The following ZDHHC14 variants were observed in gnomAD, a reference collection of about 807,000 sequenced individuals.
ZDHHC14 encodes zDHHC palmitoyltransferase 14.
Under a neutral mutation model 47.7 loss-of-function variants are expected in ZDHHC14, and 16 were observed. That is an observed-to-expected ratio of 0.34 (90% confidence interval 0.23 to 0.51). The LOEUF (loss-of-function observed/expected upper bound fraction) is 0.51, where lower values mean the gene tolerates loss of function less well. Among genes scored for constraint, ZDHHC14 ranks in the 20% least tolerant of loss-of-function variants. The pLI is 0.97. For missense variants in ZDHHC14, 515 were observed against 662.5 expected, an observed-to-expected ratio of 0.78 and a Z score of 2.44; for synonymous variants, 293 against 278.9, an observed-to-expected ratio of 1.05 and a Z score of -0.50.
chr6:157,404,388 G>C (rs905520345), intron 1 of ZDHHC14, among the ~76,000 whole-genome samples: 3 of 152,130 alleles, frequency 2.0e-5, no homozygotes. Context: ...CCTCATCTCA[G>C]CCTCCCAAAG....
intron 7 of ZDHHC14, among the ~76,000 whole-genome samples, chr6:157,652,891 A>G (rs1218691131): frequency 1.3e-5 from 2 of 152,100 alleles, no homozygotes; most frequent in African/African-American, 4.8e-5. Flanking sequence ...AAAGCGATGT[A>G]TGGGGCTGAG....
chr6:157,409,897 C>T (rs1012222850), intron 1 of ZDHHC14, among the ~76,000 whole-genome samples: 1 of 151,934 alleles, frequency 6.6e-6, no homozygotes, highest in African/African-American at 2.4e-5. Context: ...GGCGCGATCT[C>T]GGCTCACTGC....
Position 157,674,511 on chromosome 6 carries a change from GAC to G in ZDHHC14, c.*1393_*1394del, listed in dbSNP as rs1778937716. The G allele has an allele frequency of 6.6e-6, 1 of 152,162 alleles. No individual in the cohort carries two copies. The highest frequency in any genetic ancestry group is 1.5e-5 in the Non-Finnish European group (1 of 68,050). The allele number at this position is 152,162 out of a possible 1,614,324, so 9.4% of individuals were successfully genotyped here. ...TGTCACTATGGGGGCAGCCACAGGG[GAC>G]ACAGCAACTCCTCTCCTGGCTTCTT... On this transcript the variant is annotated 3_prime_UTR_variant, in exon 9 of 9. Coordinates refer to ENST00000359775, the MANE Select transcript of ZDHHC14 (RefSeq NM_024630.3).
At chr6:157,412,021 C>T (rs1425413636) in intron 1 of ZDHHC14, among the ~76,000 whole-genome samples, 1 of 151,132 alleles carries the variant, frequency 6.6e-6, no homozygotes, top group East Asian at 1.9e-4. Flanking sequence ...TCATGGCAAC[C>T]TCCACCTCCT....
intron 6 of ZDHHC14, 101 bp from the exon 7 acceptor site, chr6:157,647,158 A>C: frequency 2.6e-6 from 2 of 781,924 alleles, no homozygotes; most frequent in Non-Finnish European, 4.1e-6. Flanking sequence ...TTTGGATTAA[A>C]GATGATTTGC....
intron 1 of ZDHHC14, among the ~76,000 whole-genome samples, chr6:157,518,414 G>A (rs928510564): frequency 6.9e-6 from 1 of 143,986 alleles, no homozygotes; most frequent in African/African-American, 2.5e-5. Context: ...TGGAAGGGGG[G>A]CTCTTTACAA....
intron 2 of ZDHHC14, among the ~76,000 whole-genome samples, chr6:157,562,551 C>T (rs1333429474): frequency 6.6e-6 from 1 of 152,146 alleles, no homozygotes; most frequent in Non-Finnish European, 1.5e-5. Flanking sequence ...ACTACCACTT[C>T]TCCAGGTACA....
intron 8 of ZDHHC14, among the ~76,000 whole-genome samples, chr6:157,667,765 A>G (rs145591576): frequency 1.7e-4 from 26 of 152,340 alleles, no homozygotes; most frequent in African/African-American, 5.3e-4. Context: ...GAATTCTGGC[A>G]GAGTGGAAAA....
At chr6:157,386,272 C>T (rs1444267950) in intron 1 of ZDHHC14, among the ~76,000 whole-genome samples, 4 of 152,010 alleles carry the variant, frequency 2.6e-5, no homozygotes, top group Non-Finnish European at 4.4e-5. Flanking sequence ...TTTGGGAGGC[C>T]GAGGCAGGAG....
chr6:157,620,799 CCAG>C (rs1428632509), intron 3 of ZDHHC14, among the ~76,000 whole-genome samples: 2 of 152,092 alleles, frequency 1.3e-5, no homozygotes, highest in Admixed American at 1.3e-4. Context: ...GGCACAGCAA[CCAG>C]CAGAGAATTG....
chr6:157,655,268 A>G (rs1778033249), intron 8 of ZDHHC14, among the ~76,000 whole-genome samples: 1 of 152,236 alleles, frequency 6.6e-6, no homozygotes, highest in Non-Finnish European at 1.5e-5. Context: ...CGTGGTGGTC[A>G]GCACCTCATT....
chr6:157,434,593 AG>A (rs35755662), intron 1 of ZDHHC14, among the ~76,000 whole-genome samples: 36,141 of 151,930 alleles, frequency 0.24, 4,512 homozygotes, highest in African/African-American at 0.32. Context: ...TTTAGGCCAC[AG>A]TAAGAGCTGC....
rs1380139703 is a variant in ZDHHC14, at chr6:157,636,558, A to T, written c.752+3676A>T. Among the ~76,000 whole-genome samples, 4 of 151,998 alleles carry T rather than the reference A, an allele frequency of 2.6e-5. No homozygotes were observed. The East Asian group carries it at 7.8e-4, about 29-fold the overall frequency. ...TGGTCTTGTGGCACCTACATTATGG[A>T]CCCGAGGTCCTGCTGGGCTCCTGCC... On this transcript the variant is annotated intron_variant, in intron 5 of 8. Coordinates refer to ENST00000359775, the MANE Select transcript of ZDHHC14 (RefSeq NM_024630.3).
At chr6:157,567,749 T>C (rs972122706) in intron 2 of ZDHHC14, among the ~76,000 whole-genome samples, 1 of 149,678 alleles carries the variant, frequency 6.7e-6, no homozygotes, top group African/African-American at 2.5e-5. Context: ...CCTGGGAGGT[T>C]GCAGTGAGCC....
In ZDHHC14 at chr6:157,628,430, C is replaced by G; in HGVS notation, c.647C>G (p.Ser216Cys). The G allele has an allele frequency of 6.2e-7, 1 of 1,612,768 alleles. No homozygotes were observed. Among genetic ancestry groups the G allele is most frequent in the Non-Finnish European group, 8.5e-7 (1 of 1,179,742 alleles). The change falls in exon 4 of 9, where the codon TCT (serine) becomes TGT (cysteine). Residue 216 changes from serine (S) to cysteine (C), a missense_variant. Transcript: ENST00000359775. ...AGATTTTTTTATATGTTTATTTTAT[C>G]TCTGTCTTTTCTGACAGTCTTTATA... ...NYRFFYMFIL[S>C]LSFLTVFIFA...
chr6:157,405,192 C>CT (rs35584262), intron 1 of ZDHHC14, among the ~76,000 whole-genome samples: 1 of 152,146 alleles, frequency 6.6e-6, no homozygotes, highest in South Asian at 2.1e-4. Context: ...CATCTGGGAA[C>CT]TTTTTTGCAC....
intron 1 of ZDHHC14, among the ~76,000 whole-genome samples, chr6:157,535,435 C>T (rs9331341): frequency 0.085 from 12,947 of 152,208 alleles, 687 homozygotes; most frequent in Non-Finnish European, 0.12. Context: ...GACAGAGAGA[C>T]GCGTGTGAAA....
intron 2 of ZDHHC14, among the ~76,000 whole-genome samples, chr6:157,544,325 G>A (rs1395085715): frequency 6.6e-6 from 1 of 152,196 alleles, no homozygotes; most frequent in African/African-American, 2.4e-5. Context: ...AAATCAGCAC[G>A]ATTAGGAACA....
At chr6:157,570,499 C>A (rs1184370293) in intron 2 of ZDHHC14, among the ~76,000 whole-genome samples, 2 of 152,298 alleles carry the variant, frequency 1.3e-5, no homozygotes, top group Admixed American at 1.3e-4. Context: ...TGTATATACT[C>A]AGAGAACTTT....
Sources: gnomAD v4.1 joint callset for allele counts (sites outside exome capture counted in the v4.1 genomes callset) on GRCh38, gnomAD v4.1.1 for gene constraint, MANE v1.5 for transcripts, NCBI Gene and HGNC (gene_info 2026-07-23, HGNC 2026-07-21) for gene names.